Variants in POLR2M observed in about 807,000 individuals in gnomAD.
POLR2M encodes the protein protein GRINL1A.
In POLR2M, 30 loss-of-function variants were observed where a neutral mutation model predicts 34.6. The ratio of observed to expected loss-of-function variants is 0.87; its 90% CI spans 0.65 to 1.18. The LOEUF (loss-of-function observed/expected upper bound fraction) is 1.18, where lower values mean the gene tolerates loss of function less well. Ranked by LOEUF, POLR2M falls within the 50% of genes most tolerant of loss-of-function variation. POLR2M has a pLI of 0.00. For missense variants in POLR2M, 432 were observed against 448.7 expected (o/e 0.96, Z 0.34); for synonymous variants, 150 against 166.7 (o/e 0.90, Z 0.77).
chr15:57,710,831 A>G (rs1345250754), intron 2 of POLR2M, among the ~76,000 whole-genome samples: 2 of 152,158 alleles, frequency 1.3e-5, no homozygotes, highest in African/African-American at 4.8e-5. Flanking sequence ...ATAGACAGGT[A>G]GGGATTGAGA....
At chr15:57,713,192 T>G (rs577553262) in intron 3 of POLR2M, among the ~76,000 whole-genome samples, 82 of 72,294 alleles carry the variant, frequency 1.1e-3, no homozygotes, top group Non-Finnish European at 2.1e-3. Context: ...AGTGAGACCC[T>G]GTCTCAAAAA....
At chr15:57,707,002 G>C in intron 1 of POLR2M, 47 bp downstream of exon 1, 1 of 1,552,720 alleles carries the variant, frequency 6.4e-7, no homozygotes, top group Non-Finnish European at 8.7e-7. Flanking sequence ...TTCAGCTCGA[G>C]CTCCCTGGGC....
At chr15:57,712,586 T>A (rs2040776008) in intron 3 of POLR2M, among the ~76,000 whole-genome samples, 1 of 152,208 alleles carries the variant, frequency 6.6e-6, no homozygotes, top group African/African-American at 2.4e-5. Flanking sequence ...GAGAATGTAG[T>A]TCCCAGGCTT....
rs1246701052 is a variant in POLR2M at position 57,716,471 on chromosome 15, T to A, written c.*1792T>A. On this transcript the variant is annotated 3_prime_UTR_variant, in exon 4 of 4. Coordinates refer to ENST00000299638, the MANE Select transcript of POLR2M (RefSeq NM_015532.5). ...GAGAATTTTTATATATATTACTCAC[T>A]GCAGAGATCATGTTCATTTACATTC... The A allele has an allele frequency of 2.6e-5, 4 of 152,412 alleles. No homozygotes were observed. In the East Asian group the frequency reaches 7.7e-4, roughly 29 times the overall value. The allele number at this position is 152,412 out of a possible 1,614,324, so 9.4% of individuals were successfully genotyped here.
At chr15:57,711,906 G>A (rs2040734640) in intron 2 of POLR2M, 78 bp from the exon 3 acceptor site, 4 of 1,525,388 alleles carry the variant, frequency 2.6e-6, no homozygotes, top group African/African-American at 2.7e-5. Context: ...CTAAGGTAAA[G>A]GCCATTTGTG....
intron 1 of POLR2M, chr15:57,707,168 G>A (rs1308078550): frequency 7.3e-6 from 11 of 1,498,866 alleles, no homozygotes; most frequent in Non-Finnish European, 9.8e-6. Context: ...GGATAGCTCG[G>A]ATTGAACGGC....
Position 57,709,259 on chromosome 15 carries a change from G to T in POLR2M, c.659G>T (p.Gly220Val). 1 of 1,614,192 alleles carries T rather than the reference G, an allele frequency of 6.2e-7. No individual in the cohort carries two copies. The highest frequency in any genetic ancestry group is 8.5e-7 in the Non-Finnish European group (1 of 1,180,038). The change falls in exon 2 of 4, where the codon GGC becomes GTC. Residue 220 changes from glycine to valine, a missense_variant. Transcript: ENST00000299638. ...AACGCAAGTACTAAGAACTTGACAGGCCTTTCCAGTGGGACTGAGAAGAAA... is the reference window on the plus strand; with the variant it reads ...AACGCAAGTACTAAGAACTTGACAGTCCTTTCCAGTGGGACTGAGAAGAAA... ...EENASTKNLT[G>V]LSSGTEKKPH...
chr15:57,711,714 A>G (rs576469078), intron 2 of POLR2M, among the ~76,000 whole-genome samples: 71 of 151,412 alleles, frequency 4.7e-4, no homozygotes, highest in African/African-American at 1.7e-3. Flanking sequence ...ACTGGGCAAT[A>G]AGCCCTTTTG....
intron 3 of POLR2M, among the ~76,000 whole-genome samples, chr15:57,713,021 C>T (rs2040798129): frequency 6.6e-6 from 1 of 152,070 alleles, no homozygotes; most frequent in African/African-American, 2.4e-5. Context: ...GGCAACATAG[C>T]TAGACTCCAT....
intron 3 of POLR2M, among the ~76,000 whole-genome samples, chr15:57,713,506 G>A (rs1184460544): frequency 6.6e-6 from 1 of 152,006 alleles, no homozygotes; most frequent in East Asian, 1.9e-4. Flanking sequence ...TTGAAGAGGA[G>A]GACATCAAGA....
intron 1 of POLR2M, chr15:57,707,448 A>C: frequency 1.7e-6 from 1 of 593,844 alleles, no homozygotes; most frequent in Non-Finnish European, 3.2e-6. Flanking sequence ...CACGTAATAA[A>C]AGTGATTTTG....
rs2040878030 is a variant in POLR2M, at chr15:57,714,759, G to C, written c.*80G>C. On this transcript the variant is annotated 3_prime_UTR_variant, in exon 4 of 4. Coordinates refer to ENST00000299638, the MANE Select transcript of POLR2M (RefSeq NM_015532.5). ...CTAACTAGTATCAAGATCAGTGTCA[G>C]ATATTGTTGAGGGAAGTAATTTTAT... The C allele has an allele frequency of 1.3e-6, 2 of 1,545,724 alleles. No individual in the cohort carries two copies. The highest frequency in any genetic ancestry group is 2.2e-5 in the Admixed American group (1 of 46,082).
In POLR2M at chr15:57,706,783, T is replaced by G. The variant is rs1301688127; in HGVS notation, c.-60T>G. 2.0e-6 allele frequency: 3 copies of G among 1,527,254 alleles called. No homozygotes were observed. The Admixed American group carries it at 6.0e-5, about 31-fold the overall frequency. The allele number at this position is 1,527,254 out of a possible 1,614,324, so 94.6% of individuals were successfully genotyped here. The stretch of plus-strand genomic sequence containing the variant: ...CCGCCGTCCGCGGATCCGGCGCTAG[T>G]AGCGGGGCCTGCCGAGGAAGCCGAG... On this transcript the variant is annotated 5_prime_UTR_variant, in exon 1 of 4. Coordinates refer to ENST00000299638, the MANE Select transcript of POLR2M (RefSeq NM_015532.5).
chr15:57,707,336 C>A, intron 1 of POLR2M: 1 of 726,134 alleles, frequency 1.4e-6, no homozygotes, highest in Non-Finnish European at 2.4e-6. Context: ...CTTACAGGAA[C>A]CGTAGGAAAT....
rs769055330 is a variant in POLR2M, at chr15:57,708,770, A to G, written c.170A>G (p.Lys57Arg). The change falls in exon 2 of 4, where the codon AAA becomes AGA. Residue 57 changes from lysine (K) to arginine (R), a missense_variant. Lys to Arg is a conservative substitution (Grantham distance 26). Coordinates refer to ENST00000299638, the MANE Select transcript of POLR2M (RefSeq NM_015532.5). The stretch of plus-strand genomic sequence containing the variant: ...AAAAAGATCTTTGACTCTTTTGCCA[A>G]ACTGAAAGCTGCCATTGCAGAATGT... ...KGKKIFDSFAKLKAAIAECEE... is the reference protein window; with the variant it reads ...KGKKIFDSFARLKAAIAECEE... 2 of 1,607,226 alleles carry G rather than the reference A, an allele frequency of 1.2e-6. No individual in the cohort carries two copies. The highest frequency in any genetic ancestry group is 1.3e-5 in the African/African-American group (1 of 74,594).
Position 57,715,104 on chromosome 15 carries a change from T to G in POLR2M, c.*425T>G, listed in dbSNP as rs1251136310. The stretch of plus-strand genomic sequence containing the variant: ...AGGAAGACATAGTTCCCTTCTTTTT[T>G]GGGTAATGAAGGGAGCAGTCTAAAG... On this transcript the variant is annotated 3_prime_UTR_variant, in exon 4 of 4. Coordinates refer to ENST00000299638, the MANE Select transcript of POLR2M (RefSeq NM_015532.5). The G allele has an allele frequency of 5.9e-6, 1 of 169,432 alleles. No individual in the cohort carries two copies. Among genetic ancestry groups the G allele is most frequent in the African/African-American group, 2.4e-5 (1 of 41,546 alleles). 10.5% of individuals were successfully genotyped at this position (169,432 alleles called of 1,614,324 possible).
rs1411923101 is a variant in POLR2M, at chr15:57,708,701, T to C, written c.114-13T>C. 7.7e-6 allele frequency: 12 copies of C among 1,562,138 alleles called. No individual in the cohort carries two copies. The highest frequency in any genetic ancestry group is 6.9e-6 in the Non-Finnish European group (8 of 1,158,366). On this transcript the variant is annotated splice_polypyrimidine_tract_variant and intron_variant, in intron 1 of 3. Transcript: ENST00000299638. ...ATGGCTGTAATGTAATAGTATTCTT[T>C]TCCATTTGACAGAAAATTCATTTGC... is the stretch of plus-strand genomic sequence containing the variant.
chr15:57,710,431 G>C (rs2040663111), intron 2 of POLR2M, among the ~76,000 whole-genome samples: 1 of 152,164 alleles, frequency 6.6e-6, no homozygotes. Context: ...AAAACCTCTA[G>C]TGAAAAGTAT....
At position 57,714,907 on chromosome 15, in the gene POLR2M, T is replaced by A; in HGVS notation, c.*228T>A. On this transcript the variant is annotated 3_prime_UTR_variant, in exon 4 of 4. Transcript: ENST00000299638. The stretch of plus-strand genomic sequence containing the variant: ...ACCACATGGTATTAAAATTTTGCAA[T>A]ATATTGTGTATTGGTCTGATATTTT... 1.6e-6 allele frequency: 1 copy of A among 620,674 alleles called. No homozygotes were observed. Among genetic ancestry groups the A allele is most frequent in the Non-Finnish European group, 2.7e-6 (1 of 375,856 alleles). The allele number at this position is 620,674 out of a possible 1,614,324, so 38.4% of individuals were successfully genotyped here.
Sources: gnomAD v4.1 joint callset for allele counts (sites outside exome capture counted in the v4.1 genomes callset) on GRCh38, gnomAD v4.1.1 for gene constraint, MANE v1.5 for transcripts, NCBI Gene and HGNC (gene_info 2026-07-23, HGNC 2026-07-21) for gene names.